RSU1: variants seen among roughly 807,000 people sequenced by gnomAD.
RSU1 encodes rsu-1.
In RSU1, 26 loss-of-function variants were observed where a neutral mutation model predicts 31.1. That is an observed-to-expected ratio of 0.84 (90% CI 0.61 to 1.16). The LOEUF (loss-of-function observed/expected upper bound fraction) is 1.16, where lower values mean the gene tolerates loss of function less well. Ranked by LOEUF, RSU1 falls within the 50% of genes most tolerant of loss-of-function variation. The pLI is 0.00. For missense variants in RSU1, 320 were observed against 339.1 expected (o/e 0.94, Z 0.44); for synonymous variants, 164 against 136.3 (o/e 1.20, Z -1.41).
At chr10:16,746,579 G>A (rs1248958581) in intron 7 of RSU1, among the ~76,000 whole-genome samples, 1 of 151,506 alleles carries the variant, frequency 6.6e-6, no homozygotes, top group African/African-American at 2.4e-5. Context: ...TCACACAACA[G>A]CGGTCTCATC....
At chr10:16,673,981 G>A (rs1204977313) in intron 8 of RSU1, among the ~76,000 whole-genome samples, 1 of 152,010 alleles carries the variant, frequency 6.6e-6, no homozygotes, top group Non-Finnish European at 1.5e-5. Flanking sequence ...TCACACCATC[G>A]TGATGGAACA....
chr10:16,788,363 T>C (rs1238978315), intron 2 of RSU1, among the ~76,000 whole-genome samples: 1 of 152,026 alleles, frequency 6.6e-6, no homozygotes, highest in Non-Finnish European at 1.5e-5. Flanking sequence ...CCCCAGTGTA[T>C]GGTATTGGGA....
chr10:16,814,590 G>C (rs1401549971), intron 2 of RSU1, among the ~76,000 whole-genome samples: 4 of 152,110 alleles, frequency 2.6e-5, no homozygotes, highest in African/African-American at 7.2e-5. Flanking sequence ...TGGAGGCTTC[G>C]AAGAGCATCC....
intron 8 of RSU1, among the ~76,000 whole-genome samples, chr10:16,658,751 T>C (rs996728932): frequency 6.6e-6 from 1 of 152,082 alleles, no homozygotes; most frequent in African/African-American, 2.4e-5. Flanking sequence ...AAAAATATTT[T>C]GGTGCTCGTT....
chr10:16,688,966 C>A (rs925808173), intron 8 of RSU1, among the ~76,000 whole-genome samples: 2 of 151,934 alleles, frequency 1.3e-5, no homozygotes, highest in Admixed American at 6.6e-5. Context: ...TATCATGGTG[C>A]CCCTGCACTG....
At chr10:16,649,135 G>T (rs930940484) in intron 8 of RSU1, among the ~76,000 whole-genome samples, 5 of 151,902 alleles carry the variant, frequency 3.3e-5, no homozygotes, top group African/African-American at 1.2e-4. Context: ...TTTATTTTTT[G>T]AACCATCAAT....
rs146598391 is a variant in RSU1 at position 16,675,120 on chromosome 10, C to T, written c.731+19903G>A. On this transcript the variant is annotated intron_variant, in intron 8 of 8. Coordinates refer to ENST00000345264, the MANE Select transcript of RSU1 (RefSeq NM_012425.4). ...GTTTGGGAGGCTGAGGCATGAGAAT[C>T]GCTTGAATCCAGGAGGCGGAGGTTG... Among the ~76,000 whole-genome samples the T allele has an allele frequency of 6.0e-3, 896 of 150,208 alleles. 7 individuals carry two copies. The highest frequency in any genetic ancestry group is 8.9e-3 in the Non-Finnish European group (606 of 67,752).
chr10:16,793,233 T>C (rs1414797874), intron 2 of RSU1, among the ~76,000 whole-genome samples: 1 of 152,228 alleles, frequency 6.6e-6, no homozygotes, highest in African/African-American at 2.4e-5. Context: ...AACTCTTCAG[T>C]AGTAAGTTTT....
chr10:16,690,065 A>C (rs1341892103), intron 8 of RSU1, among the ~76,000 whole-genome samples: 1 of 152,198 alleles, frequency 6.6e-6, no homozygotes, highest in Non-Finnish European at 1.5e-5. Flanking sequence ...CTTGATGGAA[A>C]TGTGCAAAGT....
At chr10:16,618,002 G>T (rs1314603112) in intron 8 of RSU1, among the ~76,000 whole-genome samples, 1 of 152,170 alleles carries the variant, frequency 6.6e-6, no homozygotes, top group Non-Finnish European at 1.5e-5. Flanking sequence ...TTAAACTAAA[G>T]AGCTTCTGCA....
intron 7 of RSU1, chr10:16,726,937 T>G: frequency 2.5e-6 from 1 of 405,744 alleles, no homozygotes; most frequent in Non-Finnish European, 5.0e-6. Flanking sequence ...TTGACTGTTT[T>G]ATAAACAAGA....
chr10:16,627,651 G>A (rs1477965549), intron 8 of RSU1, among the ~76,000 whole-genome samples: 1 of 151,894 alleles, frequency 6.6e-6, no homozygotes, highest in Non-Finnish European at 1.5e-5. Flanking sequence ...CAGCTACTCA[G>A]GAGGCTGAGG....
chr10:16,734,726 A>G (rs1267346775), intron 7 of RSU1, among the ~76,000 whole-genome samples: 1 of 152,244 alleles, frequency 6.6e-6, no homozygotes, highest in Non-Finnish European at 1.5e-5. Flanking sequence ...GTTTTACACC[A>G]AGGCTCAGCA....
rs1002481685 is a variant in RSU1, at chr10:16,608,639, T to C, written c.732-15143A>G. On this transcript the variant is annotated intron_variant, in intron 8 of 8. Transcript: ENST00000345264. ...GAGCAAAGTGGTATTTAGGAGCAAG[T>C]GAACACCTGGCAATGGGATAATGGA... Among the ~76,000 whole-genome samples, 5 of 152,040 alleles carry C rather than the reference T, an allele frequency of 3.3e-5. No individual in the cohort carries two copies. In the East Asian group the frequency reaches 9.7e-4, roughly 29 times the overall value.
chr10:16,816,189 G>C (rs1474469355), intron 2 of RSU1, among the ~76,000 whole-genome samples: 1 of 152,184 alleles, frequency 6.6e-6, no homozygotes, highest in Non-Finnish European at 1.5e-5. Flanking sequence ...ATAGAATCTT[G>C]GTTCCTTTAA....
intron 7 of RSU1, among the ~76,000 whole-genome samples, chr10:16,739,908 G>A (rs1836718282): frequency 6.6e-6 from 1 of 152,162 alleles, no homozygotes; most frequent in East Asian, 1.9e-4. Flanking sequence ...ACCGTGCCCG[G>A]CCAAAATGTA....
intron 2 of RSU1, among the ~76,000 whole-genome samples, chr10:16,792,152 G>C (rs944839554): frequency 2.6e-5 from 4 of 152,172 alleles, no homozygotes; most frequent in African/African-American, 9.7e-5. Context: ...ATAAAAACTA[G>C]ACTGCAATCA....
chr10:16,782,272 T>C (rs1837670213), intron 2 of RSU1, among the ~76,000 whole-genome samples, 188 bp from the exon 3 acceptor site: 2 of 152,320 alleles, frequency 1.3e-5, no homozygotes, highest in South Asian at 4.1e-4. Flanking sequence ...AGAAAAGGCA[T>C]GCAACTAACG....
Position 16,636,008 on chromosome 10 carries a change from G to A in RSU1, c.732-42512C>T, listed in dbSNP as rs553903425. 9.8e-5 allele frequency among the ~76,000 whole-genome samples: 15 copies of A among 152,300 alleles called. No individual in the cohort carries two copies. In the East Asian group the frequency reaches 2.9e-3, roughly 29 times the overall value. On this transcript the variant is annotated intron_variant, in intron 8 of 8. Coordinates refer to ENST00000345264, the MANE Select transcript of RSU1 (RefSeq NM_012425.4). Reference sequence around the variant, plus strand: ...CTCTCGGTTTTCTTCATGACTGGCTGCTCCTCCTCAGTTTCCTGTGCTAGT... The same window carrying A: ...CTCTCGGTTTTCTTCATGACTGGCTACTCCTCCTCAGTTTCCTGTGCTAGT...
Sources: allele counts gnomAD v4.1 joint callset (sites outside exome capture counted in the v4.1 genomes callset), GRCh38; gene constraint gnomAD v4.1.1; transcripts MANE v1.5; gene names NCBI Gene and HGNC (gene_info 2026-07-23, HGNC 2026-07-21).